Variants in RMND5B observed in about 807,000 individuals in gnomAD.
RMND5B encodes required for meiotic nuclear division 5 homolog B.
RMND5B carries 42 observed loss-of-function variants against 50.4 expected under a neutral mutation model. The ratio of observed to expected loss-of-function variants is 0.83; its 90% CI spans 0.65 to 1.08. RMND5B has a LOEUF of 1.08. Among genes scored for constraint, RMND5B ranks in the 50% least tolerant of loss-of-function variants. The probability of loss-of-function intolerance (pLI) is 0.00; values close to 1 mark genes in which losing one functional copy is unlikely to be tolerated. For synonymous variants in RMND5B, 220 were observed against 210.0 expected (o/e 1.05, Z -0.41); for missense variants, 463 against 508.5 (o/e 0.91, Z 0.86).
chr5:178,134,902 G>A (rs967691048), intron 2 of RMND5B, among the ~76,000 whole-genome samples: 5 of 151,476 alleles, frequency 3.3e-5, no homozygotes, highest in South Asian at 2.1e-4. Flanking sequence ...GCTTGGACCC[G>A]GGAGGTGGAG....
Position 178,146,100 on chromosome 5 carries a change from T to C in RMND5B, c.695-14T>C. On this transcript the variant is annotated splice_polypyrimidine_tract_variant and intron_variant, in intron 7 of 10. Transcript: ENST00000313386. ...CCTGCACCCCCTGAGCTGCCCCCTCTGGTTGCCTTGTAGAGATCCAGGTGA... is the reference window on the plus strand; with the variant it reads ...CCTGCACCCCCTGAGCTGCCCCCTCCGGTTGCCTTGTAGAGATCCAGGTGA... The C allele has an allele frequency of 6.2e-7, 1 of 1,613,676 alleles. No individual in the cohort carries two copies. The highest frequency in any genetic ancestry group is 8.5e-7 in the Non-Finnish European group (1 of 1,179,790).
At chr5:178,144,390 C>T (rs1249067626) in intron 7 of RMND5B, among the ~76,000 whole-genome samples, 2 of 151,954 alleles carry the variant, frequency 1.3e-5, no homozygotes, top group African/African-American at 2.4e-5. Context: ...ATGCCATGCC[C>T]GTCCCACCTG....
At position 178,147,756 on chromosome 5, in the gene RMND5B, T is replaced by C. The variant is rs368322665; in HGVS notation, c.991T>C (p.Trp331Arg). Residue 331 changes from tryptophan (W) to arginine (R), a missense_variant, in exon 10 of 11, where the codon TGG (tryptophan) becomes CGG (arginine). Trp to Arg is a moderately radical substitution (Grantham distance 101). Coordinates refer to ENST00000313386, the MANE Select transcript of RMND5B (RefSeq NM_022762.5). ...TGAGATTGAACTAGGCATGAAGTGC[T>C]GGTACCACTCCGTGTTCGCTTGCCC... The part of the protein sequence containing the change: ...PIEIELGMKC[W>R]YHSVFACPIL... The C allele has an allele frequency of 1.2e-6, 2 of 1,614,084 alleles. No homozygotes were observed. The highest frequency in any genetic ancestry group is 2.7e-5 in the African/African-American group (2 of 74,928).
Position 178,148,274 on chromosome 5 carries a change from T to G in RMND5B, c.*242T>G. On this transcript the variant is annotated 3_prime_UTR_variant, in exon 11 of 11. Coordinates refer to ENST00000313386, the MANE Select transcript of RMND5B (RefSeq NM_022762.5). ...GAGATGCTGGCCTCTGTGCTCCTGC[T>G]GTCTTTTCCTGTTTCTGTTTGCGTT... The G allele has an allele frequency of 1.7e-6, 1 of 575,924 alleles. No homozygotes were observed. The highest frequency in any genetic ancestry group is 2.0e-5 in the South Asian group (1 of 49,516). The allele number at this position is 575,924 out of a possible 1,614,324, so 35.7% of individuals were successfully genotyped here. A position where few individuals can be genotyped will look rare whatever the true frequency, so the allele number is the denominator to read the frequency against.
In RMND5B at chr5:178,137,213, C is replaced by T. The variant is rs757408206; in HGVS notation, c.-12-895C>T. 1.2e-4 allele frequency among the ~76,000 whole-genome samples: 19 copies of T among 152,104 alleles called. No individual in the cohort carries two copies. Among genetic ancestry groups the T allele is most frequent in the African/African-American group, 2.7e-4 (11 of 41,442 alleles). ...GGTTCTGTGCCTGTCCTCGGGTGTG[C>T]GGCGGGTGAGGGTGAGGCAGGAGTG... On this transcript the variant is annotated intron_variant, in intron 2 of 10. Transcript: ENST00000313386. The surrounding 1 kb of genome is among the most constrained non-coding windows in gnomAD (Gnocchi z 4.4).
chr5:178,142,656 G>A lies in RMND5B; in HGVS notation c.213G>A (p.Thr71=), dbSNP rs144820574. The change falls in exon 4 of 11, where the codon ACG becomes ACA. Residue 71 remains threonine, a synonymous_variant. Transcript: ENST00000313386. ...MSQCCRKIKD[T]VQKLASDHKD... ...AGTGCTGCCGGAAGATCAAAGATAC[G>A]GTGCAGAAACTGGCTTCGGACCATA... 307 of 1,614,216 alleles carry A rather than the reference G, an allele frequency of 1.9e-4. 2 individuals are homozygous for A. The Middle Eastern group carries it at 2.0e-3, about 10-fold the overall frequency.
intron 2 of RMND5B, among the ~76,000 whole-genome samples, chr5:178,134,888 A>G (rs1392984962): frequency 2.6e-5 from 4 of 151,804 alleles, no homozygotes; most frequent in African/African-American, 9.7e-5. Flanking sequence ...AAGGCATAAG[A>G]ATTGCTTGGA....
chr5:178,140,692 T>C (rs1489190009), intron 3 of RMND5B, among the ~76,000 whole-genome samples: 1 of 151,892 alleles, frequency 6.6e-6, no homozygotes, highest in Non-Finnish European at 1.5e-5. Flanking sequence ...TAGCCGGGCA[T>C]GGTGGCACAT....
At chr5:178,134,413 A>G (rs952952482) in intron 2 of RMND5B, among the ~76,000 whole-genome samples, 3 of 152,186 alleles carry the variant, frequency 2.0e-5, no homozygotes, top group Admixed American at 1.3e-4. Context: ...AGGATCTGCT[A>G]TGTGTTTCGG....
Position 178,149,735 on chromosome 5 carries a change from T to C in RMND5B, c.*1703T>C. The C allele has an allele frequency of 6.2e-7, 1 of 1,614,042 alleles. No homozygotes were observed. Among genetic ancestry groups the C allele is most frequent in the South Asian group, 1.1e-5 (1 of 91,080 alleles). On this transcript the variant is annotated 3_prime_UTR_variant, in exon 11 of 11. Transcript: ENST00000313386. ...CCCTCATAGGGGTAGGGGCAGGGACTGCACCTCCTCCAGGCACTCATCGTA... is the reference window on the plus strand; with the variant it reads ...CCCTCATAGGGGTAGGGGCAGGGACCGCACCTCCTCCAGGCACTCATCGTA...
intron 2 of RMND5B, among the ~76,000 whole-genome samples, chr5:178,133,986 T>A (rs1264197233): frequency 6.6e-6 from 1 of 152,236 alleles, no homozygotes; most frequent in Non-Finnish European, 1.5e-5. Context: ...GTGTTGGGAT[T>A]ACAGGCGTGA....
Position 178,144,074 on chromosome 5 carries a change from G to A in RMND5B, c.660G>A (p.Arg220=). The A allele has an allele frequency of 6.2e-7, 1 of 1,614,154 alleles. No individual in the cohort carries two copies. Among genetic ancestry groups the A allele is most frequent in the Non-Finnish European group, 8.5e-7 (1 of 1,180,036 alleles). ...AKQLEALSYA[R]HFQPFARLHQ... is the part of the protein sequence containing the mutation. ...AGCTGGAGGCCCTCAGCTATGCTCG[G>A]CACTTCCAGCCCTTTGCTCGGCTGC... Residue 220 remains arginine, a synonymous_variant, in exon 7 of 11, where the codon CGG becomes CGA. Transcript: ENST00000313386.
chr5:178,132,115 C>T (rs1464273124), intron 2 of RMND5B, among the ~76,000 whole-genome samples: 4 of 152,056 alleles, frequency 2.6e-5, no homozygotes, highest in African/African-American at 2.4e-5. Flanking sequence ...CACTTCAAGA[C>T]CAACCTGGCC....
rs1756156530 is a variant in RMND5B at position 178,148,362 on chromosome 5, C to T, written c.*330C>T. ...GTCTTCAGCAGTAGACATCCTTCCA[C>T]CCCTGCCCTCAGCCAAGTCTCTTGC... On this transcript the variant is annotated 3_prime_UTR_variant, in exon 11 of 11. Transcript: ENST00000313386. The T allele has an allele frequency of 2.5e-6, 1 of 396,776 alleles. No individual in the cohort carries two copies. The highest frequency in any genetic ancestry group is 4.7e-6 in the Non-Finnish European group (1 of 210,804). The allele number at this position is 396,776 out of a possible 1,614,324, so 24.6% of individuals were successfully genotyped here.
At chr5:178,134,220 A>G (rs1475340278) in intron 2 of RMND5B, among the ~76,000 whole-genome samples, 1 of 152,202 alleles carries the variant, frequency 6.6e-6, no homozygotes. Flanking sequence ...TGAAGCAGAA[A>G]AGGAGGCAGG....
intron 3 of RMND5B, among the ~76,000 whole-genome samples, chr5:178,139,017 A>G (rs556036956): frequency 6.6e-6 from 1 of 152,234 alleles, no homozygotes; most frequent in Admixed American, 6.5e-5. Flanking sequence ...CCTGGCCAAC[A>G]TGGCAAAACC....
chr5:178,143,756 C>A, intron 6 of RMND5B, 29 bp downstream of exon 6: 2 of 1,560,184 alleles, frequency 1.3e-6, no homozygotes, highest in Non-Finnish European at 1.8e-6. Flanking sequence ...GGGCCAGCAG[C>A]ATTCTGCTTC....
chr5:178,140,768 T>C (rs553629402), intron 3 of RMND5B, among the ~76,000 whole-genome samples: 22 of 151,244 alleles, frequency 1.5e-4, no homozygotes, highest in African/African-American at 5.1e-4. Context: ...AGGTGGAGGT[T>C]GCAGCGAGCC....
At chr5:178,136,481 G>GT (rs1335794940) in intron 2 of RMND5B, among the ~76,000 whole-genome samples, 1 of 152,166 alleles carries the variant, frequency 6.6e-6, no homozygotes, top group African/African-American at 2.4e-5. Context: ...AGATTCCAGC[G>GT]TAATAGCATT....
Sources: allele counts gnomAD v4.1 joint callset (sites outside exome capture counted in the v4.1 genomes callset), GRCh38; gene constraint gnomAD v4.1.1; non-coding constraint Gnocchi (gnomAD v3.1); transcripts MANE v1.5; gene names NCBI Gene and HGNC (gene_info 2026-07-23, HGNC 2026-07-21).